Variants in BNIP5 observed in about 807,000 individuals in gnomAD.
The protein encoded by BNIP5 is BCL2 interacting protein 5, also known as protein BNIP5.
In BNIP5, 61 loss-of-function variants were observed where a neutral mutation model predicts 67.3. That is an observed-to-expected ratio of 0.91 (90% CI 0.74 to 1.12). The LOEUF is 1.12. Ranked by LOEUF, BNIP5 falls within the 50% of genes most tolerant of loss-of-function variation. The pLI, the probability that BNIP5 is intolerant of heterozygous loss-of-function variation, is 0.00. For synonymous variants in BNIP5, 317 were observed against 319.0 expected (o/e 0.99, Z 0.07); for missense variants, 826 against 816.3 (o/e 1.01, Z -0.14).
Position 36,328,594 on chromosome 6 carries a change from T to C in BNIP5, c.727+4A>G. 6.3e-7 allele frequency: 1 copy of C among 1,598,886 alleles called. No homozygotes were observed. The highest frequency in any genetic ancestry group is 8.6e-7 in the Non-Finnish European group (1 of 1,166,136). ...CAAAAAGGTCACTAGAGATTCCGAC[T>C]CACGGTCAGGCTTTTTGAGCTCCTC... is the stretch of plus-strand genomic sequence containing the variant. On this transcript the variant is annotated splice_donor_region_variant and intron_variant, in intron 3 of 11. Transcript: ENST00000437635.
chr6:36,330,659 AG>A lies in BNIP5; in HGVS notation c.31del (p.Leu11TrpfsTer90). MENPRCPRRP[L>X]AEKKARSLDR... is the part of the protein sequence containing the mutation. ...CAGAGACCTGGCTTTCTTCTCCGCCAGGGGCCTCCTTGGGCACCTTGGATTC... is the reference window on the plus strand; with the variant it reads ...CAGAGACCTGGCTTTCTTCTCCGCCAGGGCCTCCTTGGGCACCTTGGATTC... On this transcript the variant is annotated frameshift_variant, in exon 2 of 12. Coordinates refer to ENST00000437635, the MANE Select transcript of BNIP5 (RefSeq NM_001010903.5). LOFTEE classifies it high-confidence loss of function. The A allele has an allele frequency of 6.3e-7, 1 of 1,596,366 alleles. No homozygotes were observed. The highest frequency in any genetic ancestry group is 8.5e-7 in the Non-Finnish European group (1 of 1,176,100).
intron 6 of BNIP5, among the ~76,000 whole-genome samples, chr6:36,324,862 C>T (rs116551674): frequency 1.3e-5 from 2 of 151,496 alleles, no homozygotes; most frequent in Non-Finnish European, 2.9e-5. Context: ...TAAATGCTGC[C>T]GACAATTCTA....
intron 11 of BNIP5, 129 bp downstream of exon 11, chr6:36,319,227 G>C: frequency 9.0e-7 from 1 of 1,114,820 alleles, no homozygotes; most frequent in Non-Finnish European, 1.3e-6. Context: ...GGTGACATTT[G>C]AGATAGACCC....
rs537958335 is a variant in BNIP5, at chr6:36,326,576, G to A, written c.970C>T (p.Pro324Ser). 19 of 1,614,264 alleles carry A rather than the reference G, an allele frequency of 1.2e-5. No individual in the cohort carries two copies. The South Asian group carries it at 1.9e-4, about 16-fold the overall frequency. ...ADVSSPEAWP[P>S]KKSSFLPLCV... ...AGGGGCAGAAAGCTGGACTTCTTGGGTGGCCAGGCCTCTGGACTGGAAACA... is the reference window on the plus strand; with the variant it reads ...AGGGGCAGAAAGCTGGACTTCTTGGATGGCCAGGCCTCTGGACTGGAAACA... The change falls in exon 5 of 12, where the codon CCC becomes TCC. Residue 324 changes from proline (P) to serine (S), a missense_variant. Coordinates refer to ENST00000437635, the MANE Select transcript of BNIP5 (RefSeq NM_001010903.5).
chr6:36,322,636 C>CG (rs1256188642), intron 8 of BNIP5, among the ~76,000 whole-genome samples, 194 bp from the exon 9 acceptor site: 2 of 152,136 alleles, frequency 1.3e-5, no homozygotes, highest in Non-Finnish European at 2.9e-5. Context: ...TTTCGCCCAC[C>CG]AACCCTTTCT....
At chr6:36,324,868 T>G (rs62403700) in intron 6 of BNIP5, among the ~76,000 whole-genome samples, 3,276 of 151,470 alleles carry the variant, frequency 0.022, 52 homozygotes, top group Non-Finnish European at 0.034. Context: ...CTGCCGACAA[T>G]TCTAGAAAGC....
chr6:36,329,522 C>T (rs1771836329), intron 2 of BNIP5, among the ~76,000 whole-genome samples: 1 of 152,108 alleles, frequency 6.6e-6, no homozygotes, highest in Non-Finnish European at 1.5e-5. Flanking sequence ...AAAGAAATGT[C>T]ACAGTGGGCC....
At chr6:36,323,211 G>A (rs1187581049) in intron 8 of BNIP5, 82 bp downstream of exon 8, 1 of 1,577,018 alleles carries the variant, frequency 6.3e-7, no homozygotes, top group East Asian at 2.2e-5. Context: ...CACTATGCCA[G>A]CCTGTCAACG....
intron 7 of BNIP5, among the ~76,000 whole-genome samples, 197 bp downstream of exon 7, chr6:36,323,932 G>A (rs1771694659): frequency 2.6e-5 from 4 of 151,920 alleles, no homozygotes; most frequent in Admixed American, 2.0e-4. Context: ...CCCAGGAGGT[G>A]GAGGTTGTAG....
Position 36,319,537 on chromosome 6 carries a change from G to T in BNIP5, c.1742C>A (p.Thr581Asn). 6.2e-7 allele frequency: 1 copy of T among 1,614,164 alleles called. No individual in the cohort carries two copies. The highest frequency in any genetic ancestry group is 8.5e-7 in the Non-Finnish European group (1 of 1,180,016). Residue 581 changes from threonine to asparagine, a missense_variant, in exon 11 of 12, where the codon ACC (threonine) becomes AAC (asparagine). Coordinates refer to ENST00000437635, the MANE Select transcript of BNIP5 (RefSeq NM_001010903.5). Reference sequence around the variant, plus strand: ...GGAGTGAGCCACCTGGCTGCGCAGGGTGGCTACCAGCTTGCTGAGGGAGGA... The same window carrying T: ...GGAGTGAGCCACCTGGCTGCGCAGGTTGGCTACCAGCTTGCTGAGGGAGGA... ...SDSSLSKLVA[T>N]LRSQVAHSSK... is the part of the protein sequence containing the mutation.
rs558824100 is a variant in BNIP5 at position 36,316,296 on chromosome 6, T to C, written c.*1060A>G. 17 of 390,458 alleles carry C rather than the reference T, an allele frequency of 4.4e-5. No homozygotes were observed. Among genetic ancestry groups the C allele is most frequent in the Non-Finnish European group, 7.7e-5 (17 of 221,402 alleles). 24.2% of individuals were successfully genotyped at this position (390,458 alleles called of 1,614,324 possible). A position where few individuals can be genotyped will look rare whatever the true frequency, so the allele number is the denominator to read the frequency against. The stretch of plus-strand genomic sequence containing the variant: ...GACTGTCTGTCTACAGTCTTGTCCT[T>C]CCTGCACATAGATATGAACATGTGG... On this transcript the variant is annotated 3_prime_UTR_variant, in exon 12 of 12. Transcript: ENST00000437635.
chr6:36,321,928 T>G (rs576446128), intron 9 of BNIP5, among the ~76,000 whole-genome samples: 1 of 152,306 alleles, frequency 6.6e-6, no homozygotes, highest in South Asian at 2.1e-4. Flanking sequence ...TCAGCCAAAG[T>G]AAAAATATTT....
intron 1 of BNIP5, among the ~76,000 whole-genome samples, chr6:36,332,726 G>A (rs1771934869): frequency 6.6e-6 from 1 of 152,126 alleles, no homozygotes; most frequent in African/African-American, 2.4e-5. Flanking sequence ...TCCCACCTGG[G>A]CAGCATTTCA....
At chr6:36,333,516 G>T (rs900920793) in intron 1 of BNIP5, among the ~76,000 whole-genome samples, 1 of 152,228 alleles carries the variant, frequency 6.6e-6, no homozygotes, top group Non-Finnish European at 1.5e-5. Flanking sequence ...ATTTATGTTT[G>T]TTCTCACTTA....
chr6:36,327,624 G>A (rs1197673541), intron 3 of BNIP5, among the ~76,000 whole-genome samples: 1 of 152,168 alleles, frequency 6.6e-6, no homozygotes, highest in Non-Finnish European at 1.5e-5. Context: ...CGGTAGGCAT[G>A]ACACAGAGAC....
At position 36,326,555 on chromosome 6, in the gene BNIP5, G is replaced by T. The variant is rs1554141774; in HGVS notation, c.991C>A (p.Pro331Thr). Residue 331 changes from proline (P) to threonine (T), a missense_variant, in exon 5 of 12, where the codon CCC becomes ACC. Pro to Thr is a conservative substitution (Grantham distance 38). Transcript: ENST00000437635. ...AWPPKKSSFLPLCVSGHRPSI... is the reference protein window; with the variant it reads ...AWPPKKSSFLTLCVSGHRPSI... ...GGCCGATGGCCGCTGACACACAGGG[G>T]CAGAAAGCTGGACTTCTTGGGTGGC... is the stretch of plus-strand genomic sequence containing the variant. 1 of 1,614,256 alleles carries T rather than the reference G, an allele frequency of 6.2e-7. No individual in the cohort carries two copies. Among genetic ancestry groups the T allele is most frequent in the African/African-American group, 1.3e-5 (1 of 75,066 alleles).
At chr6:36,332,942 G>A (rs767207192) in intron 1 of BNIP5, among the ~76,000 whole-genome samples, 1 of 152,200 alleles carries the variant, frequency 6.6e-6, no homozygotes. Flanking sequence ...GCTCTAATTT[G>A]TCATTATAGC....
chr6:36,335,593 A>G (rs1771996381), intron 1 of BNIP5, among the ~76,000 whole-genome samples: 2 of 152,252 alleles, frequency 1.3e-5, no homozygotes, highest in Non-Finnish European at 2.9e-5. Context: ...GGAGGCTCTC[A>G]GTGTTTGTGA....
rs1771504639 is a variant in BNIP5, at chr6:36,315,891, A to G, written c.*1465T>C. 1.3e-5 allele frequency: 2 copies of G among 152,664 alleles called. No homozygotes were observed. The highest frequency in any genetic ancestry group is 2.9e-5 in the Non-Finnish European group (2 of 68,050). 9.5% of individuals were successfully genotyped at this position (152,664 alleles called of 1,614,324 possible). On this transcript the variant is annotated 3_prime_UTR_variant, in exon 12 of 12. Coordinates refer to ENST00000437635, the MANE Select transcript of BNIP5 (RefSeq NM_001010903.5). ...ATTCCAAATAAGAAACTATGTACAA[A>G]AGGTTCCTGACCTTCATTTCATAAC... is the stretch of plus-strand genomic sequence containing the variant.
Sources: gnomAD v4.1 joint callset for allele counts (sites outside exome capture counted in the v4.1 genomes callset) on GRCh38, gnomAD v4.1.1 for gene constraint, MANE v1.5 for transcripts, NCBI Gene and HGNC (gene_info 2026-07-23, HGNC 2026-07-21) for gene names.